RBFOX1: variants seen among roughly 807,000 people sequenced by gnomAD.
The protein encoded by RBFOX1 is RNA binding fox-1 homolog 1.
Under a neutral mutation model 57.7 loss-of-function variants are expected in RBFOX1, and 8 were observed. The observed-to-expected ratio is 0.14, with a 90% CI of 0.08 to 0.25. RBFOX1 has a LOEUF of 0.25. RBFOX1 is among the 10% of genes least tolerant of loss of function. The pLI is 1.00. For missense variants in RBFOX1, 611 were observed against 548.5 expected (o/e 1.11, Z -1.14); for synonymous variants, 326 against 222.4 (o/e 1.47, Z -4.15).
intron 3 of RBFOX1, among the ~76,000 whole-genome samples, chr16:6,851,039 T>TA (rs1336133772): frequency 1.3e-5 from 2 of 152,044 alleles, no homozygotes; most frequent in East Asian, 3.8e-4. Flanking sequence ...TATGTAGCAA[T>TA]AAAAAAGAAC....
At chr16:7,007,855 C>T (rs1335404260) in intron 3 of RBFOX1, among the ~76,000 whole-genome samples, 16 of 152,188 alleles carry the variant, frequency 1.1e-4, no homozygotes, top group Non-Finnish European at 1.5e-5. Context: ...GACACCTCAG[C>T]ATTAGGAAGT....
intron 4 of RBFOX1, among the ~76,000 whole-genome samples, chr16:7,482,089 C>T (rs772526510): frequency 6.6e-6 from 1 of 152,222 alleles, no homozygotes; most frequent in Non-Finnish European, 1.5e-5. Context: ...CTAGCAAGGG[C>T]TAGTGATGGT....
chr16:5,778,568 C>A (rs2054222946), intron 3 of RBFOX1, among the ~76,000 whole-genome samples: 1 of 152,316 alleles, frequency 6.6e-6, no homozygotes, highest in African/African-American at 2.4e-5. Context: ...CTGAGAGCAA[C>A]CCCGCGTGGC....
At chr16:6,464,579 T>C (rs934236627) in intron 2 of RBFOX1, among the ~76,000 whole-genome samples, 1 of 152,328 alleles carries the variant, frequency 6.6e-6, no homozygotes, top group East Asian at 1.9e-4. Flanking sequence ...CAATTATACC[T>C]TTTAAATTAA....
chr16:6,568,212 C>G (rs569651786), intron 2 of RBFOX1, among the ~76,000 whole-genome samples: 2 of 152,180 alleles, frequency 1.3e-5, no homozygotes, highest in Admixed American at 6.5e-5. Context: ...GTCCAGGAAT[C>G]TGGGAGTGGC....
At chr16:6,302,564 T>C (rs962384802) in intron 1 of RBFOX1, among the ~76,000 whole-genome samples, 1 of 152,226 alleles carries the variant, frequency 6.6e-6, no homozygotes, top group Non-Finnish European at 1.5e-5. Flanking sequence ...ATATCTATCT[T>C]GGTATTGACA....
At chr16:6,134,751 C>G (rs2096654158) in intron 1 of RBFOX1, among the ~76,000 whole-genome samples, 1 of 150,562 alleles carries the variant, frequency 6.6e-6, no homozygotes, top group Admixed American at 6.6e-5. Context: ...GATGTCGGCT[C>G]ACTGCAATCT....
intron 4 of RBFOX1, among the ~76,000 whole-genome samples, chr16:7,068,575 C>CTAT (rs1265087732): frequency 3.2e-3 from 480 of 151,950 alleles, no homozygotes; most frequent in African/African-American, 0.011. Flanking sequence ...CTCTTTGATA[C>CTAT]TATTATTATT....
chr16:5,749,200 C>G (rs1323469833), intron 3 of RBFOX1, among the ~76,000 whole-genome samples: 9 of 152,210 alleles, frequency 5.9e-5, no homozygotes, highest in Admixed American at 3.3e-4. Flanking sequence ...GCCCCCACCC[C>G]CTTTTGGTTT....
intron 4 of RBFOX1, among the ~76,000 whole-genome samples, chr16:7,052,484 C>G (rs1473266156): frequency 6.6e-6 from 1 of 152,132 alleles, no homozygotes; most frequent in Non-Finnish European, 1.5e-5. Context: ...TGCTCTTTGG[C>G]TGTTGACTGG....
At chr16:6,412,340 A>C (rs1012507998) in intron 2 of RBFOX1, among the ~76,000 whole-genome samples, 1 of 152,156 alleles carries the variant, frequency 6.6e-6, no homozygotes, top group Admixed American at 6.5e-5. Flanking sequence ...ATGCGCTGGT[A>C]GATTTCCTCT....
At chr16:6,025,648 A>T (rs2095176696) in intron 1 of RBFOX1, among the ~76,000 whole-genome samples, 1 of 152,156 alleles carries the variant, frequency 6.6e-6, no homozygotes. Context: ...TCCCTTTCAG[A>T]GTATGGCCAC....
chr16:6,053,337 A>G (rs1224627174), intron 1 of RBFOX1, among the ~76,000 whole-genome samples: 3 of 152,198 alleles, frequency 2.0e-5, no homozygotes, highest in Admixed American at 6.5e-5. Flanking sequence ...AAGAAGGAAG[A>G]GTGGCTAACA....
intron 12 of RBFOX1, among the ~76,000 whole-genome samples, chr16:7,659,737 G>A (rs537285526): frequency 2.8e-4 from 42 of 152,342 alleles, no homozygotes; most frequent in Non-Finnish European, 4.7e-4. Flanking sequence ...TTTATAAAGT[G>A]TGACTTCTTA....
chr16:6,949,452 C>G (rs950385736), intron 3 of RBFOX1, among the ~76,000 whole-genome samples: 2 of 152,272 alleles, frequency 1.3e-5, no homozygotes, highest in African/African-American at 4.8e-5. Context: ...GTAAGCAACA[C>G]AGATTTGTTT....
intron 4 of RBFOX1, among the ~76,000 whole-genome samples, chr16:7,483,628 G>A (rs560410807): frequency 1.3e-5 from 2 of 152,152 alleles, no homozygotes; most frequent in Non-Finnish European, 1.5e-5. Context: ...TGGGGTGGCT[G>A]ATAATAGAAT....
chr16:7,034,553 C>T (rs1568463730), intron 3 of RBFOX1, among the ~76,000 whole-genome samples: 1 of 151,990 alleles, frequency 6.6e-6, no homozygotes, highest in Non-Finnish European at 1.5e-5. Flanking sequence ...ATGAGGCTGC[C>T]TAGAGAGCCT....
intron 2 of RBFOX1, among the ~76,000 whole-genome samples, chr16:6,558,335 T>C (rs1348673382): frequency 6.6e-6 from 1 of 152,216 alleles, no homozygotes; most frequent in Non-Finnish European, 1.5e-5. Context: ...CTGCTGCTGC[T>C]GCTCCTGGCA....
At chr16:6,417,232 G>A (rs1404128026) in intron 2 of RBFOX1, among the ~76,000 whole-genome samples, 4 of 151,636 alleles carry the variant, frequency 2.6e-5, no homozygotes, top group Non-Finnish European at 4.4e-5. Flanking sequence ...GGCTGGTCTC[G>A]AACTCCTAAC....
Sources: gnomAD v4.1 joint callset for allele counts (sites outside exome capture counted in the v4.1 genomes callset) on GRCh38, gnomAD v4.1.1 for gene constraint, MANE v1.5 for transcripts, NCBI Gene and HGNC (gene_info 2026-07-23, HGNC 2026-07-21) for gene names.